CDH13: variants seen among roughly 807,000 people sequenced by gnomAD.
The protein encoded by CDH13 is cadherin 13, also known as cadherin-13.
Under a neutral mutation model 63.8 loss-of-function variants are expected in CDH13, and 24 were observed. That is an observed-to-expected ratio of 0.38 (90% CI 0.27 to 0.53). The LOEUF (loss-of-function observed/expected upper bound fraction) is 0.53, where lower values mean the gene tolerates loss of function less well. Ranked by LOEUF, CDH13 falls within the 20% of genes least tolerant of loss-of-function variation. The probability of loss-of-function intolerance (pLI) is 0.85; values close to 1 mark genes in which losing one functional copy is unlikely to be tolerated. For missense variants in CDH13, 1,049 were observed against 903.1 expected, an observed-to-expected ratio of 1.16 and a Z score of -2.07; for synonymous variants, 503 against 355.3, an observed-to-expected ratio of 1.42 and a Z score of -4.67.
At chr16:82,877,147 A>G (rs1402921828) in intron 2 of CDH13, among the ~76,000 whole-genome samples, 1 of 152,246 alleles carries the variant, frequency 6.6e-6, no homozygotes, top group Non-Finnish European at 1.5e-5. Context: ...GGGAGGGTAT[A>G]GCCTCAAGCA....
chr16:83,096,915 A>G (rs1228797941), intron 3 of CDH13, among the ~76,000 whole-genome samples: 3 of 152,204 alleles, frequency 2.0e-5, no homozygotes, highest in African/African-American at 7.2e-5. Flanking sequence ...ATGTTAAAAT[A>G]TTTACTAATT....
chr16:83,050,455 C>T (rs542974470), intron 3 of CDH13, among the ~76,000 whole-genome samples: 11 of 152,286 alleles, frequency 7.2e-5, no homozygotes, highest in Admixed American at 7.2e-4. Context: ...CTGTTTAAGA[C>T]ACCATACTGT....
intron 5 of CDH13, among the ~76,000 whole-genome samples, chr16:83,239,012 G>A (rs549753683): frequency 3.9e-5 from 6 of 152,270 alleles, no homozygotes; most frequent in African/African-American, 1.4e-4. Context: ...CCTTGCATGT[G>A]CTGTTACTGG....
chr16:82,736,036 C>G (rs2033655034), intron 1 of CDH13, among the ~76,000 whole-genome samples: 1 of 152,158 alleles, frequency 6.6e-6, no homozygotes. Flanking sequence ...AAAAGAGAAC[C>G]AATAAAAGCG....
intron 5 of CDH13, among the ~76,000 whole-genome samples, chr16:83,342,157 T>C (rs970525287): frequency 1.3e-5 from 2 of 151,510 alleles, no homozygotes; most frequent in African/African-American, 2.4e-5. Context: ...GAGTACTGAG[T>C]TTTTTCATTT....
intron 6 of CDH13, among the ~76,000 whole-genome samples, chr16:83,420,786 C>G (rs1418330686): frequency 6.6e-6 from 1 of 152,176 alleles, no homozygotes; most frequent in Non-Finnish European, 1.5e-5. Flanking sequence ...AACAATGCAA[C>G]CTTCAGTCTG....
At chr16:83,653,865 G>C (rs1250428914) in intron 8 of CDH13, among the ~76,000 whole-genome samples, 1 of 152,176 alleles carries the variant, frequency 6.6e-6, no homozygotes, top group Non-Finnish European at 1.5e-5. Flanking sequence ...CATTAAGAAA[G>C]GCGCTCAGCA....
rs1567513997 is a variant in CDH13 at position 83,216,425 on chromosome 16, T to TATATATATATATATATATATAA, written c.484-901_484-900insTAAATATATATATATATATATA. On this transcript the variant is annotated intron_variant, in intron 4 of 13. Transcript: ENST00000567109. ...ATATATATATATATATATATATATA[T>TATATATATATATATATATATAA]ATATATATATATATATATACACAAC... Among the ~76,000 whole-genome samples the TATATATATATATATATATATAA allele has an allele frequency of 4.9e-5, 5 of 101,080 alleles. 1 individual carries two copies. The highest frequency in any genetic ancestry group is 3.4e-4 in the Admixed American group (3 of 8,760). 66.3% of individuals were successfully genotyped at this position (101,080 alleles called of 152,430 possible).
chr16:82,817,769 C>T (rs145321051), intron 1 of CDH13, among the ~76,000 whole-genome samples: 7 of 152,256 alleles, frequency 4.6e-5, no homozygotes, highest in African/African-American at 1.7e-4. Flanking sequence ...CACACCACTG[C>T]ACTTCAGCCT....
At chr16:83,568,849 C>T (rs1904320299) in intron 7 of CDH13, among the ~76,000 whole-genome samples, 1 of 152,288 alleles carries the variant, frequency 6.6e-6, no homozygotes. Flanking sequence ...TTTGAGGCCT[C>T]TGTCCACTTC....
intron 4 of CDH13, among the ~76,000 whole-genome samples, chr16:83,216,401 T>A (rs1219852091): frequency 1.2e-4 from 5 of 43,420 alleles, no homozygotes; most frequent in Non-Finnish European, 1.7e-4. Flanking sequence ...CATTGAAATA[T>A]ATATATATAT....
intron 1 of CDH13, among the ~76,000 whole-genome samples, chr16:82,848,523 C>G (rs758944600): frequency 6.7e-6 from 1 of 149,436 alleles, no homozygotes; most frequent in Non-Finnish European, 1.5e-5. Context: ...ATTACTTTGT[C>G]TATTTTGGTG....
rs139166014 is a variant in CDH13, at chr16:82,802,959, C to G, written c.46-55403C>G. Among the ~76,000 whole-genome samples the G allele has an allele frequency of 2.3e-3, 352 of 152,314 alleles. 2 individuals carry two copies. The highest frequency in any genetic ancestry group is 0.017 in the Middle Eastern group (5 of 294). On this transcript the variant is annotated intron_variant, in intron 1 of 13. Coordinates refer to ENST00000567109, the MANE Select transcript of CDH13 (RefSeq NM_001257.5). ...ACTACGGTGTCCCATTTCAGAAACT[C>G]TAAAATACTTACTTGAATCCCTGGA... is the stretch of plus-strand genomic sequence containing the variant.
chr16:83,060,535 A>T (rs1023515455), intron 3 of CDH13, among the ~76,000 whole-genome samples: 1 of 152,160 alleles, frequency 6.6e-6, no homozygotes, highest in Non-Finnish European at 1.5e-5. Context: ...TGCCTAATTC[A>T]TAAAGAGGCC....
chr16:83,634,291 A>T (rs1198031594), intron 8 of CDH13, among the ~76,000 whole-genome samples: 1 of 149,870 alleles, frequency 6.7e-6, no homozygotes, highest in Non-Finnish European at 1.5e-5. Flanking sequence ...CCTTCCCCTT[A>T]CTCTTGGGCT....
chr16:83,122,692 A>G (rs963977618), intron 3 of CDH13, among the ~76,000 whole-genome samples: 1 of 152,180 alleles, frequency 6.6e-6, no homozygotes, highest in Non-Finnish European at 1.5e-5. Context: ...TTTTATTTTT[A>G]AAATTTTTTT....
At chr16:82,868,337 C>T (rs2151183951) in intron 2 of CDH13, among the ~76,000 whole-genome samples, 1 of 152,256 alleles carries the variant, frequency 6.6e-6, no homozygotes, top group African/African-American at 2.4e-5. Context: ...CCCTTCCCTC[C>T]TACCAATCCA....
intron 1 of CDH13, among the ~76,000 whole-genome samples, chr16:82,765,912 C>G (rs1400509011): frequency 6.6e-6 from 1 of 152,196 alleles, no homozygotes; most frequent in East Asian, 1.9e-4. Flanking sequence ...CAGAGTCTCA[C>G]AGGAGTTAAA....
intron 1 of CDH13, among the ~76,000 whole-genome samples, chr16:82,795,207 A>C (rs1239528208): frequency 6.6e-6 from 1 of 152,166 alleles, no homozygotes; most frequent in African/African-American, 2.4e-5. Context: ...GTCATGGACA[A>C]TTGTCCATGT....
Sources: gnomAD v4.1 joint callset for allele counts (sites outside exome capture counted in the v4.1 genomes callset) on GRCh38, gnomAD v4.1.1 for gene constraint, MANE v1.5 for transcripts, NCBI Gene and HGNC (gene_info 2026-07-23, HGNC 2026-07-21) for gene names.